KCNH5: variants seen among roughly 807,000 people sequenced by gnomAD.
KCNH5 encodes voltage-gated delayed rectifier potassium channel KCNH5.
A neutral mutation model predicts 96.1 loss-of-function variants in KCNH5; 46 were observed. That is an observed-to-expected ratio of 0.48 (90% confidence interval 0.38 to 0.61). The LOEUF (loss-of-function observed/expected upper bound fraction) is 0.61, where lower values mean the gene tolerates loss of function less well. Among genes scored for constraint, KCNH5 ranks in the 20% least tolerant of loss-of-function variants. The pLI, the probability that KCNH5 is intolerant of heterozygous loss-of-function variation, is 0.00. For synonymous variants in KCNH5, 439 were observed against 449.8 expected (o/e 0.98, Z 0.30); for missense variants, 907 against 1,225.8 (o/e 0.74, Z 3.88).
At chr14:62,741,886 G>T (rs1417388070) in intron 10 of KCNH5, among the ~76,000 whole-genome samples, 1 of 152,148 alleles carries the variant, frequency 6.6e-6, no homozygotes, top group Non-Finnish European at 1.5e-5. Flanking sequence ...AATTGCCCAT[G>T]AGTTTTCTGT....
chr14:62,873,141 C>A (rs1161893898), intron 7 of KCNH5, among the ~76,000 whole-genome samples: 23 of 129,520 alleles, frequency 1.8e-4, no homozygotes, highest in Non-Finnish European at 9.8e-5. Context: ...CAGAACGAGA[C>A]TCTGACTCAA....
intron 6 of KCNH5, among the ~76,000 whole-genome samples, chr14:62,963,000 T>C (rs1299555459): frequency 2.0e-5 from 3 of 152,106 alleles, no homozygotes; most frequent in African/African-American, 7.2e-5. Flanking sequence ...TTCTGATATA[T>C]TATCAGAAGG....
At chr14:62,960,297 T>C (rs1434454257) in intron 6 of KCNH5, among the ~76,000 whole-genome samples, 4 of 152,192 alleles carry the variant, frequency 2.6e-5, no homozygotes, top group Non-Finnish European at 5.9e-5. Flanking sequence ...AAGGACCATG[T>C]ACATTCCCTT....
chr14:62,722,968 T>A (rs1413463338), intron 10 of KCNH5, among the ~76,000 whole-genome samples: 1 of 152,202 alleles, frequency 6.6e-6, no homozygotes, highest in Non-Finnish European at 1.5e-5. Flanking sequence ...TTTTGTTTTG[T>A]AGCTTGTAAT....
intron 5 of KCNH5, among the ~76,000 whole-genome samples, chr14:62,982,767 G>C (rs1024858535): frequency 2.0e-5 from 3 of 152,046 alleles, no homozygotes; most frequent in African/African-American, 7.2e-5. Context: ...ATCACTGGTG[G>C]TCCCTTTAAT....
intron 10 of KCNH5, among the ~76,000 whole-genome samples, chr14:62,765,363 A>G (rs1885838433): frequency 6.6e-6 from 1 of 152,224 alleles, no homozygotes; most frequent in African/African-American, 2.4e-5. Flanking sequence ...ATCATGTGCA[A>G]AAATCAACTC....
chr14:62,857,814 C>T (rs1455161176), intron 7 of KCNH5, among the ~76,000 whole-genome samples: 1 of 152,140 alleles, frequency 6.6e-6, no homozygotes, highest in Non-Finnish European at 1.5e-5. Context: ...TACCCAGGAT[C>T]AATACTTTGC....
chr14:63,041,155 A>G (rs1413745102), intron 1 of KCNH5, among the ~76,000 whole-genome samples: 1 of 152,162 alleles, frequency 6.6e-6, no homozygotes, highest in Non-Finnish European at 1.5e-5. Flanking sequence ...AAGACAACAT[A>G]TGAGTAAAAT....
intron 10 of KCNH5, among the ~76,000 whole-genome samples, chr14:62,770,989 G>A (rs1885973894): frequency 1.3e-5 from 2 of 152,116 alleles, no homozygotes; most frequent in South Asian, 4.2e-4. Flanking sequence ...TAATGATGAG[G>A]CTCTGATCCA....
At chr14:63,028,132 T>C (rs1477378896) in intron 1 of KCNH5, among the ~76,000 whole-genome samples, 4 of 151,952 alleles carry the variant, frequency 2.6e-5, no homozygotes, top group Non-Finnish European at 1.5e-5. Flanking sequence ...CTCTCTCTTA[T>C]AAACAGACTA....
At chr14:62,918,056 A>G (rs1417944224) in intron 7 of KCNH5, among the ~76,000 whole-genome samples, 2 of 152,172 alleles carry the variant, frequency 1.3e-5, no homozygotes, top group African/African-American at 2.4e-5. Flanking sequence ...AGACTGGCCT[A>G]TATTCTAATC....
intron 10 of KCNH5, among the ~76,000 whole-genome samples, chr14:62,769,797 T>C (rs968950119): frequency 1.2e-4 from 18 of 152,342 alleles, no homozygotes; most frequent in African/African-American, 4.1e-4. Context: ...TTTAATTATA[T>C]AGCAGACTCT....
intron 7 of KCNH5, among the ~76,000 whole-genome samples, chr14:62,923,156 T>C (rs551784917): frequency 8.5e-5 from 13 of 152,066 alleles, no homozygotes; most frequent in Admixed American, 7.2e-4. Flanking sequence ...CAAAAATCAG[T>C]TGTGTTTCTA....
intron 10 of KCNH5, among the ~76,000 whole-genome samples, chr14:62,736,441 T>C (rs1885158551): frequency 6.6e-6 from 1 of 150,572 alleles, no homozygotes; most frequent in Non-Finnish European, 1.5e-5. Flanking sequence ...ATCAGCCTGA[T>C]GGCTAAGGTC....
chr14:62,822,369 A>G (rs1275100865), intron 8 of KCNH5, among the ~76,000 whole-genome samples: 3 of 152,260 alleles, frequency 2.0e-5, no homozygotes, highest in East Asian at 1.9e-4. Flanking sequence ...TGTTAGGCAT[A>G]CCTTATAGCT....
chr14:62,929,839 C>T (rs575142890), intron 7 of KCNH5, among the ~76,000 whole-genome samples: 1 of 152,046 alleles, frequency 6.6e-6, no homozygotes, highest in East Asian at 1.9e-4. Context: ...TCTATTATTC[C>T]CATGTTTATG....
intron 8 of KCNH5, among the ~76,000 whole-genome samples, chr14:62,806,773 G>A (rs1455093492): frequency 6.6e-6 from 1 of 152,058 alleles, no homozygotes; most frequent in African/African-American, 2.4e-5. Flanking sequence ...CTAAGATTTA[G>A]GGGGTTAGAG....
chr14:63,025,620 C>CAA (rs367748673), intron 1 of KCNH5, among the ~76,000 whole-genome samples: 11,500 of 146,136 alleles, frequency 0.079, 673 homozygotes, highest in African/African-American at 0.16. Flanking sequence ...ACAATAGTAA[C>CAA]AAAAAAAAAA....
intron 7 of KCNH5, among the ~76,000 whole-genome samples, chr14:62,931,732 T>G (rs1396893540): frequency 6.6e-6 from 1 of 152,058 alleles, no homozygotes; most frequent in African/African-American, 2.4e-5. Flanking sequence ...ACTAGAGGAT[T>G]TATTGAAAGT....
Sources: allele counts gnomAD v4.1 joint callset (sites outside exome capture counted in the v4.1 genomes callset), GRCh38; gene constraint gnomAD v4.1.1; transcripts MANE v1.5; gene names NCBI Gene and HGNC (gene_info 2026-07-23, HGNC 2026-07-21).